The following GPM6A variants were observed in gnomAD, a reference collection of about 807,000 sequenced individuals.
GPM6A encodes glycoprotein M6A.
Under a neutral mutation model 32.1 loss-of-function variants are expected in GPM6A, and 7 were observed. The observed-to-expected ratio is 0.22, with a 90% CI of 0.12 to 0.41. The LOEUF is 0.41. Among genes scored for constraint, GPM6A ranks in the 10% least tolerant of loss-of-function variants. GPM6A has a pLI of 1.00. For synonymous variants in GPM6A, 130 were observed against 123.4 expected (o/e 1.05, Z -0.35); for missense variants, 235 against 347.2 (o/e 0.68, Z 2.57).
chr4:176,001,957 CT>C (rs1414481246), intron 1 of GPM6A, among the ~76,000 whole-genome samples: 5 of 152,084 alleles, frequency 3.3e-5, no homozygotes, highest in African/African-American at 4.8e-5. Flanking sequence ...GTCTCTTAGT[CT>C]TTCTTTATTT....
chr4:175,640,639 C>A, intron 5 of GPM6A, 114 bp downstream of exon 5: 1 of 731,588 alleles, frequency 1.4e-6, no homozygotes, highest in Non-Finnish European at 2.3e-6. Flanking sequence ...GGTAAAATTG[C>A]CTCTGATAGA....
intron 1 of GPM6A, among the ~76,000 whole-genome samples, chr4:175,829,897 C>T (rs1361574648): frequency 1.3e-5 from 2 of 151,982 alleles, no homozygotes; most frequent in Non-Finnish European, 2.9e-5. Context: ...TTATGTAATA[C>T]ATATTAATCT....
chr4:175,876,573 C>A (rs1579588392), intron 1 of GPM6A, among the ~76,000 whole-genome samples: 1 of 152,128 alleles, frequency 6.6e-6, no homozygotes, highest in African/African-American at 2.4e-5. Context: ...TCCTTCCAGT[C>A]AAATCTGTCC....
chr4:175,832,228 T>A (rs1419418024), intron 1 of GPM6A, among the ~76,000 whole-genome samples: 1 of 152,100 alleles, frequency 6.6e-6, no homozygotes, highest in Non-Finnish European at 1.5e-5. Context: ...AATAACAAAC[T>A]ATTATTCTTC....
intron 2 of GPM6A, among the ~76,000 whole-genome samples, chr4:175,678,462 T>C (rs1242154738): frequency 6.6e-6 from 1 of 152,080 alleles, no homozygotes; most frequent in Non-Finnish European, 1.5e-5. Context: ...AATGAGGGGA[T>C]AGAAAGCTTG....
chr4:175,715,316 T>C (rs1745783404), intron 1 of GPM6A, among the ~76,000 whole-genome samples: 1 of 152,104 alleles, frequency 6.6e-6, no homozygotes, highest in Non-Finnish European at 1.5e-5. Context: ...TCTTCATGGG[T>C]TTATTGGTCT....
intron 1 of GPM6A, among the ~76,000 whole-genome samples, chr4:175,899,063 G>A (rs1737877124): frequency 6.6e-6 from 1 of 151,974 alleles, no homozygotes; most frequent in Non-Finnish European, 1.5e-5. Flanking sequence ...CAAAACCTTA[G>A]TCAGTTTTCA....
chr4:175,961,165 T>C (rs925852679), intron 1 of GPM6A: 77 of 152,218 alleles, frequency 5.1e-4, no homozygotes, highest in African/African-American at 1.7e-3. Flanking sequence ...ATCAGTTGCA[T>C]ACAAATCCCT....
chr4:175,961,661 A>T (rs1356216787), intron 1 of GPM6A, among the ~76,000 whole-genome samples: 2 of 152,164 alleles, frequency 1.3e-5, no homozygotes, highest in African/African-American at 4.8e-5. Flanking sequence ...TCTCACAGAG[A>T]AGATCAGAGA....
At chr4:175,948,294 T>G (rs1297961601) in intron 1 of GPM6A, among the ~76,000 whole-genome samples, 1 of 152,164 alleles carries the variant, frequency 6.6e-6, no homozygotes, top group Admixed American at 6.5e-5. Context: ...AGGGTGGAGC[T>G]CTCATAAATA....
chr4:175,648,187 T>TG (rs1741583294), intron 4 of GPM6A, among the ~76,000 whole-genome samples: 1 of 152,138 alleles, frequency 6.6e-6, no homozygotes, highest in African/African-American at 2.4e-5. Flanking sequence ...TTTGAGTTGA[T>TG]GCCATAATGG....
chr4:175,671,464 T>C (rs1415726166), intron 3 of GPM6A, among the ~76,000 whole-genome samples: 19 of 37,938 alleles, frequency 5.0e-4, no homozygotes, highest in African/African-American at 1.8e-3. Context: ...TAAGATACAA[T>C]CTGCCTACAA....
intron 1 of GPM6A, among the ~76,000 whole-genome samples, chr4:175,965,089 C>G (rs1740292260): frequency 6.6e-6 from 1 of 152,298 alleles, no homozygotes; most frequent in South Asian, 2.1e-4. Flanking sequence ...TTATGGACTA[C>G]TTCATCTAAC....
At chr4:175,786,222 T>C (rs1337734659) in intron 1 of GPM6A, among the ~76,000 whole-genome samples, 1 of 152,014 alleles carries the variant, frequency 6.6e-6, no homozygotes, top group Non-Finnish European at 1.5e-5. Flanking sequence ...GAATTGAGAA[T>C]GTTTAAAATC....
intron 1 of GPM6A, among the ~76,000 whole-genome samples, chr4:175,918,116 G>A (rs72704522): frequency 0.023 from 3,542 of 151,376 alleles, 70 homozygotes; most frequent in African/African-American, 0.045. Context: ...TATTTTACAC[G>A]CATAACTTAA....
At chr4:175,856,822 C>G (rs1216265834) in intron 1 of GPM6A, among the ~76,000 whole-genome samples, 2 of 152,128 alleles carry the variant, frequency 1.3e-5, no homozygotes, top group Admixed American at 1.3e-4. Flanking sequence ...CTCTGCTCCT[C>G]TGCCAGTGGA....
intron 2 of GPM6A, among the ~76,000 whole-genome samples, chr4:175,674,935 A>G (rs1054667810): frequency 6.6e-6 from 1 of 152,116 alleles, no homozygotes; most frequent in African/African-American, 2.4e-5. Flanking sequence ...TGTGGCTAAA[A>G]TAAAACATTT....
chr4:175,665,749 T>C (rs544365753), intron 3 of GPM6A, among the ~76,000 whole-genome samples: 30 of 150,214 alleles, frequency 2.0e-4, no homozygotes, highest in African/African-American at 7.3e-4. Flanking sequence ...GCCACTGCAC[T>C]CCAGCCTGGG....
chr4:175,756,591 CACAG>C (rs1732535646), intron 1 of GPM6A, among the ~76,000 whole-genome samples: 1 of 152,032 alleles, frequency 6.6e-6, no homozygotes, highest in African/African-American at 2.4e-5. Context: ...GAAGGAAAAG[CACAG>C]ACAGACATAA....
Sources: allele counts gnomAD v4.1 joint callset (sites outside exome capture counted in the v4.1 genomes callset), GRCh38; gene constraint gnomAD v4.1.1; transcripts MANE v1.5; gene names NCBI Gene and HGNC (gene_info 2026-07-23, HGNC 2026-07-21).